The following CFAP52 variants were observed in gnomAD, a reference collection of about 807,000 sequenced individuals.
CFAP52 encodes cilia- and flagella-associated protein 52.
In CFAP52, 57 loss-of-function variants were observed where a neutral mutation model predicts 70.5. The ratio of observed to expected loss-of-function variants is 0.81; its 90% CI spans 0.65 to 1.01. The LOEUF (loss-of-function observed/expected upper bound fraction) is 1.01, where lower values mean the gene tolerates loss of function less well. CFAP52 is among the 50% of genes least tolerant of loss of function. The pLI is 0.00. For missense variants in CFAP52, 785 were observed against 788.5 expected, an observed-to-expected ratio of 1.00 and a Z score of 0.05; for synonymous variants, 267 against 292.5, an observed-to-expected ratio of 0.91 and a Z score of 0.89.
chr17:9,588,765 C>G (rs1005141900), intron 3 of CFAP52, among the ~76,000 whole-genome samples: 1 of 122,188 alleles, frequency 8.2e-6, no homozygotes, highest in Admixed American at 1.1e-4. Context: ...TTTTTAGCCA[C>G]AGAAAAGAAT....
chr17:9,623,670 T>TTTGTTTGTTTG (rs1555543731), intron 8 of CFAP52, among the ~76,000 whole-genome samples: 6 of 150,942 alleles, frequency 4.0e-5, no homozygotes, highest in African/African-American at 1.5e-4. Flanking sequence ...GCTTAGCTTT[T>TTTGTTTGTTTG]TTTGTTTGTT....
rs1426600738 is a variant in CFAP52, at chr17:9,631,048, G to GAAAGAAAGAAAGAAAGAA, written c.1175-1839_1175-1838insAAGAAAGAAAGAAAGAAA. Among the ~76,000 whole-genome samples, 52 of 19,832 alleles carry GAAAGAAAGAAAGAAAGAA rather than the reference G, an allele frequency of 2.6e-3. 1 individual carries two copies. The highest frequency in any genetic ancestry group is 5.9e-3 in the East Asian group (3 of 510). 13.0% of individuals were successfully genotyped at this position (19,832 alleles called of 152,430 possible). On this transcript the variant is annotated intron_variant, in intron 9 of 13. Transcript: ENST00000352665. ...AAAGAAAGAGAGAGAGAGAGAGAGA[G>GAAAGAAAGAAAGAAAGAA]AGAGAGAAAGAAAGAAAGAAAGAAA...
chr17:9,641,333 G>C lies in CFAP52; in HGVS notation c.1576-391G>C, dbSNP rs151321583. 8.9e-4 allele frequency among the ~76,000 whole-genome samples: 136 copies of C among 152,302 alleles called. 1 individual carries two copies. The East Asian group carries it at 0.021, about 24-fold the overall frequency. ...AGCCCAGTCTCTAGAACTCTGGGGA[G>C]TGGGGAGTGCTCATCCCCCAGTGAG... On this transcript the variant is annotated intron_variant, in intron 12 of 13. Transcript: ENST00000352665.
At chr17:9,639,669 G>C (rs543433077) in intron 12 of CFAP52, among the ~76,000 whole-genome samples, 123 of 152,282 alleles carry the variant, frequency 8.1e-4, no homozygotes, top group Non-Finnish European at 1.2e-3. Flanking sequence ...GATGGTGAAA[G>C]GACTGAGAAA....
intron 9 of CFAP52, among the ~76,000 whole-genome samples, chr17:9,629,926 T>A (rs1163326441): frequency 6.6e-6 from 1 of 151,846 alleles, no homozygotes; most frequent in Non-Finnish European, 1.5e-5. Flanking sequence ...TTCTCCTCCT[T>A]GTTAGCGTCC....
In CFAP52 at chr17:9,643,163, G is replaced by A; in HGVS notation, c.1828G>A (p.Ala610Thr). The change falls in exon 14 of 14, where the codon GCC (alanine) becomes ACC (threonine). Residue 610 changes from alanine (A) to threonine (T), a missense_variant. Physicochemically the swap from Ala to Thr is moderately conservative, Grantham distance 58. Coordinates refer to ENST00000352665, the MANE Select transcript of CFAP52 (RefSeq NM_145054.5). ...TATTGTTAGTGTAAGTGCCGATGGA[G>A]CCATTTTGCGATGGAAGTACCCATA... ...QYIVSVSADG[A>T]ILRWKYPYTS is the part of the protein sequence containing the mutation. The A allele has an allele frequency of 6.2e-7, 1 of 1,612,572 alleles. No homozygotes were observed. The highest frequency in any genetic ancestry group is 8.5e-7 in the Non-Finnish European group (1 of 1,179,376).
At chr17:9,635,749 C>T (rs1910747170) in intron 11 of CFAP52, among the ~76,000 whole-genome samples, 193 bp downstream of exon 11, 1 of 152,122 alleles carries the variant, frequency 6.6e-6, no homozygotes, top group South Asian at 2.1e-4. Context: ...GTTACAATTT[C>T]CAGGAAGAAC....
At chr17:9,605,643 C>T (rs1909454292) in intron 6 of CFAP52, among the ~76,000 whole-genome samples, 1 of 130,958 alleles carries the variant, frequency 7.6e-6, no homozygotes, top group South Asian at 2.6e-4. Flanking sequence ...TTGCATTGAG[C>T]CGAGATCGCG....
At chr17:9,623,901 ATTATC>A (rs1277283308) in intron 8 of CFAP52, among the ~76,000 whole-genome samples, 1 of 152,148 alleles carries the variant, frequency 6.6e-6, no homozygotes, top group African/African-American at 2.4e-5. Flanking sequence ...CTACTGAATA[ATTATC>A]TCAGTTTTTA....
intron 6 of CFAP52, among the ~76,000 whole-genome samples, chr17:9,602,777 G>A (rs1322240922): frequency 6.6e-6 from 1 of 152,160 alleles, no homozygotes; most frequent in Non-Finnish European, 1.5e-5. Context: ...CCCAGCATCT[G>A]TTGTTTCCTG....
Position 9,631,056 on chromosome 17 carries a change from A to AGAGAGAG in CFAP52, c.1175-1832_1175-1831insGAGAGAG, listed in dbSNP as rs1229380118. ...AGAGAGAGAGAGAGAGAGAGAGAGA[A>AGAGAGAG]AGAAAGAAAGAAAGAAAGAAAGAAA... On this transcript the variant is annotated intron_variant, in intron 9 of 13. Transcript: ENST00000352665. Among the ~76,000 whole-genome samples, 34 of 70,856 alleles carry AGAGAGAG rather than the reference A, an allele frequency of 4.8e-4. 2 individuals are homozygous for AGAGAGAG. The highest frequency in any genetic ancestry group is 1.7e-3 in the African/African-American group (25 of 14,546). 46.5% of individuals were successfully genotyped at this position (70,856 alleles called of 152,430 possible).
chr17:9,633,600 C>A (rs1241056894), intron 10 of CFAP52, among the ~76,000 whole-genome samples: 2 of 151,820 alleles, frequency 1.3e-5, no homozygotes, highest in African/African-American at 2.4e-5. Context: ...GGAATTCATG[C>A]GGGTGTTTTG....
At chr17:9,623,602 A>T (rs896613060) in intron 8 of CFAP52, among the ~76,000 whole-genome samples, 1 of 152,144 alleles carries the variant, frequency 6.6e-6, no homozygotes. Flanking sequence ...GATGGTCTTC[A>T]TTCTTTCTTA....
chr17:9,644,971 T>G (rs2151956828), downstream of CFAP52: 1 of 152,348 alleles, frequency 6.6e-6, no homozygotes, highest in Middle Eastern at 3.4e-3. Flanking sequence ...CGGGGGCTTT[T>G]TTCACAGGGC....
At chr17:9,586,245 T>C (rs74252907) in intron 2 of CFAP52, among the ~76,000 whole-genome samples, 43 of 152,206 alleles carry the variant, frequency 2.8e-4, no homozygotes, top group African/African-American at 8.9e-4. Context: ...GTCATGTTTG[T>C]AGAACCTGAT....
chr17:9,631,028 A>AAGAAAGAGAG (rs1555544250), intron 9 of CFAP52, among the ~76,000 whole-genome samples: 4 of 44,730 alleles, frequency 8.9e-5, no homozygotes, highest in East Asian at 2.1e-3. Flanking sequence ...GAAAGAAAGA[A>AAGAAAGAGAG]AGAGAGAGAG....
chr17:9,631,258 C>A (rs1180017266), intron 9 of CFAP52, among the ~76,000 whole-genome samples: 4 of 151,808 alleles, frequency 2.6e-5, no homozygotes, highest in Non-Finnish European at 5.9e-5. Flanking sequence ...TACTACTCAC[C>A]CCTTCTAGCC....
chr17:9,585,770 T>C lies in CFAP52; in HGVS notation c.71-3T>C. 6.2e-7 allele frequency: 1 copy of C among 1,614,080 alleles called. No individual in the cohort carries two copies. The highest frequency in any genetic ancestry group is 8.5e-7 in the Non-Finnish European group (1 of 1,179,972). On this transcript the variant is annotated splice_region_variant and splice_polypyrimidine_tract_variant and intron_variant, in intron 1 of 13. Coordinates refer to ENST00000352665, the MANE Select transcript of CFAP52 (RefSeq NM_145054.5). ...ATTATTACTGTGAATCTCTCTCTTT[T>C]AGGACATGTGCCCACTGGTCTCAAA... is the stretch of plus-strand genomic sequence containing the variant.
chr17:9,625,046 A>T (rs1363613586), intron 8 of CFAP52, among the ~76,000 whole-genome samples: 1 of 152,116 alleles, frequency 6.6e-6, no homozygotes, highest in East Asian at 1.9e-4. Flanking sequence ...TGACACTTGA[A>T]GCCTGTGAGG....
Sources: gnomAD v4.1 joint callset for allele counts (sites outside exome capture counted in the v4.1 genomes callset) on GRCh38, gnomAD v4.1.1 for gene constraint, MANE v1.5 for transcripts, NCBI Gene and HGNC (gene_info 2026-07-23, HGNC 2026-07-21) for gene names.